The following CRACDL variants were observed in gnomAD, a reference collection of about 807,000 sequenced individuals.
The protein encoded by CRACDL is CRACD like.
In CRACDL, 26 loss-of-function variants were observed where a neutral mutation model predicts 70.6. The observed-to-expected ratio is 0.37, with a 90% confidence interval of 0.27 to 0.51. The LOEUF is 0.51. Ranked by LOEUF, CRACDL falls within the 20% of genes least tolerant of loss-of-function variation. The pLI, the probability that CRACDL is intolerant of heterozygous loss-of-function variation, is 0.94. For missense variants in CRACDL, 1,283 were observed against 1,376.9 expected (o/e 0.93, Z 1.08); for synonymous variants, 618 against 615.2 (o/e 1.00, Z -0.07).
intron 7 of CRACDL, among the ~76,000 whole-genome samples, chr2:98,813,309 G>A (rs1187125309): frequency 6.6e-6 from 1 of 152,150 alleles, no homozygotes; most frequent in Non-Finnish European, 1.5e-5. Flanking sequence ...GTGGGTGCCT[G>A]TAATCCTAGC....
chr2:98,930,893 T>C (rs1709056264), intron 1 of CRACDL, among the ~76,000 whole-genome samples: 1 of 152,178 alleles, frequency 6.6e-6, no homozygotes, highest in Admixed American at 6.5e-5. Flanking sequence ...AAATAATTTA[T>C]GGAGCATTTT....
chr2:98,890,574 A>T (rs1045113025), intron 1 of CRACDL, among the ~76,000 whole-genome samples: 1 of 152,264 alleles, frequency 6.6e-6, no homozygotes, highest in African/African-American at 2.4e-5. Flanking sequence ...ATGTTTAAAG[A>T]ATAGTACAAA....
At chr2:98,922,598 T>G (rs1177628506) in intron 1 of CRACDL, among the ~76,000 whole-genome samples, 1 of 152,112 alleles carries the variant, frequency 6.6e-6, no homozygotes, top group East Asian at 1.9e-4. Flanking sequence ...CCCAGAATAC[T>G]CCCCAGGGAA....
intron 1 of CRACDL, among the ~76,000 whole-genome samples, chr2:98,906,406 C>T (rs997191313): frequency 2.6e-5 from 4 of 152,126 alleles, no homozygotes; most frequent in East Asian, 1.9e-4. Context: ...GGACTACAGG[C>T]GCATGCCACT....
At chr2:98,834,701 A>C (rs1452595048) in intron 3 of CRACDL, among the ~76,000 whole-genome samples, 2 of 152,260 alleles carry the variant, frequency 1.3e-5, no homozygotes, top group Non-Finnish European at 2.9e-5. Flanking sequence ...TATATAATTA[A>C]AAGATGAAAC....
At chr2:98,832,249 G>T in intron 5 of CRACDL, 99 bp downstream of exon 5, 1 of 1,333,556 alleles carries the variant, frequency 7.5e-7, no homozygotes, top group Non-Finnish European at 1.1e-6. Flanking sequence ...ACCATGCACA[G>T]CCTGGAGATC....
chr2:98,857,522 A>G, intron 1 of CRACDL, among the ~76,000 whole-genome samples: 1 of 152,206 alleles, frequency 6.6e-6, no homozygotes, highest in East Asian at 1.9e-4. Flanking sequence ...GATGTATATT[A>G]TAAGGCCTAG....
chr2:98,907,663 G>T (rs1236422227), intron 1 of CRACDL, among the ~76,000 whole-genome samples: 1 of 152,188 alleles, frequency 6.6e-6, no homozygotes, highest in East Asian at 1.9e-4. Context: ...AGTGAATGTG[G>T]GGCTTGACTC....
intron 1 of CRACDL, among the ~76,000 whole-genome samples, chr2:98,851,293 C>T (rs1055910326): frequency 5.9e-5 from 9 of 152,094 alleles, no homozygotes; most frequent in Non-Finnish European, 1.2e-4. Context: ...GGACAGTGCC[C>T]GACCAGAGAA....
chr2:98,854,293 A>G (rs1378210636), intron 1 of CRACDL, among the ~76,000 whole-genome samples: 1 of 150,428 alleles, frequency 6.6e-6, no homozygotes, highest in East Asian at 1.9e-4. Flanking sequence ...AAAAAAAAAA[A>G]AAAAAAAGAA....
At chr2:98,827,315 T>TC in intron 5 of CRACDL, 146 bp from the exon 6 acceptor site, 1 of 615,804 alleles carries the variant, frequency 1.6e-6, no homozygotes, top group South Asian at 2.0e-5. Context: ...TCTTTTTTTT[T>TC]CCCCCAAGAT....
intron 9 of CRACDL, among the ~76,000 whole-genome samples, chr2:98,795,077 A>ATATATATATTTTTTTTTTTT: frequency 5.1e-5 from 3 of 58,486 alleles, no homozygotes; most frequent in African/African-American, 1.3e-4. Context: ...ATATATATAT[A>ATATATATATTTTTTTTTTTT]TTTTTTTTTT....
At chr2:98,796,364 C>A in intron 8 of CRACDL, 100 bp from the exon 9 acceptor site, 1 of 1,258,628 alleles carries the variant, frequency 7.9e-7, no homozygotes, top group Non-Finnish European at 1.1e-6. Context: ...ATCCAAGATG[C>A]CTGCACTGCT....
chr2:98,892,693 A>G (rs1708010048), intron 1 of CRACDL, among the ~76,000 whole-genome samples: 1 of 152,180 alleles, frequency 6.6e-6, no homozygotes, highest in Admixed American at 6.5e-5. Flanking sequence ...CAGTCTCAAA[A>G]AAAAAAGAAA....
intron 1 of CRACDL, among the ~76,000 whole-genome samples, chr2:98,869,904 T>C (rs1405735044): frequency 6.6e-6 from 1 of 152,154 alleles, no homozygotes. Context: ...GCCCCACTCA[T>C]TGTTGCACTG....
chr2:98,827,453 A>G (rs1408480595), intron 5 of CRACDL, among the ~76,000 whole-genome samples: 25 of 152,042 alleles, frequency 1.6e-4, no homozygotes, highest in Non-Finnish European at 2.4e-4. Flanking sequence ...CACCACACCC[A>G]GCTAATTTTT....
At chr2:98,883,164 CT>C (rs1707703226) in intron 1 of CRACDL, among the ~76,000 whole-genome samples, 1 of 152,212 alleles carries the variant, frequency 6.6e-6, no homozygotes, top group Non-Finnish European at 1.5e-5. Context: ...GAAAGGAAGC[CT>C]TTGGATGTCT....
At chr2:98,860,161 G>C (rs1281654005) in intron 1 of CRACDL, among the ~76,000 whole-genome samples, 1 of 152,082 alleles carries the variant, frequency 6.6e-6, no homozygotes, top group Non-Finnish European at 1.5e-5. Context: ...GACATAAATA[G>C]ATGGAAAGAT....
In CRACDL at chr2:98,804,210, A is replaced by C. The variant is rs921766813; in HGVS notation, c.2417-6673T>G. Among the ~76,000 whole-genome samples, 4 of 152,300 alleles carry C rather than the reference A, an allele frequency of 2.6e-5. No homozygotes were observed. In the Middle Eastern group the frequency reaches 0.014, roughly 522 times the overall value. On this transcript the variant is annotated intron_variant, in intron 7 of 9. Coordinates refer to ENST00000397899, the MANE Select transcript of CRACDL (RefSeq NM_207362.3). ...ATGCTGAGCATTTTGAGACTGAGCA[A>C]GAGCTTTTCAGGGCAGGCCCCCACT...
Sources: allele counts gnomAD v4.1 joint callset (sites outside exome capture counted in the v4.1 genomes callset), GRCh38; gene constraint gnomAD v4.1.1; transcripts MANE v1.5; gene names NCBI Gene and HGNC (gene_info 2026-07-23, HGNC 2026-07-21).